The following MEGF10 variants were observed in gnomAD, a reference collection of about 807,000 sequenced individuals.
MEGF10 encodes multiple EGF like domains 10.
Under a neutral mutation model 147.5 loss-of-function variants are expected in MEGF10, and 86 were observed. The ratio of observed to expected loss-of-function variants is 0.58; its 90% CI spans 0.49 to 0.70. The LOEUF (loss-of-function observed/expected upper bound fraction) is 0.70, where lower values mean the gene tolerates loss of function less well. MEGF10 is among the 30% of genes least tolerant of loss of function. MEGF10 has a pLI of 0.00. For missense variants in MEGF10, 1,329 were observed against 1,487.3 expected, an observed-to-expected ratio of 0.89 and a Z score of 1.75; for synonymous variants, 478 against 525.5, an observed-to-expected ratio of 0.91 and a Z score of 1.24.
rs1370207200 is a variant in MEGF10, at chr5:127,406,114, T to G, written c.917+3432T>G. ...CTTGTCATATTTTAGGCCACTAAAATGGCAATATAATTTTTTTTTGCCCTC... is the reference window on the plus strand; with the variant it reads ...CTTGTCATATTTTAGGCCACTAAAAGGGCAATATAATTTTTTTTTGCCCTC... On this transcript the variant is annotated intron_variant, in intron 8 of 24. Transcript: ENST00000503335. Among the ~76,000 whole-genome samples the G allele has an allele frequency of 3.9e-5, 6 of 152,224 alleles. 1 individual carries two copies.
intron 13 of MEGF10, among the ~76,000 whole-genome samples, chr5:127,423,167 G>A (rs1048675932): frequency 6.6e-6 from 1 of 152,226 alleles, no homozygotes; most frequent in Non-Finnish European, 1.5e-5. Context: ...TGGTGAATAT[G>A]CATATGCATA....
chr5:127,396,252 C>T (rs1405654927), intron 5 of MEGF10, among the ~76,000 whole-genome samples: 1 of 152,204 alleles, frequency 6.6e-6, no homozygotes, highest in Non-Finnish European at 1.5e-5. Flanking sequence ...AAACTCCACA[C>T]TCTGGATGCA....
intron 14 of MEGF10, 80 bp downstream of exon 14, chr5:127,433,589 C>T (rs1419372989): frequency 2.7e-6 from 4 of 1,502,132 alleles, no homozygotes; most frequent in East Asian, 4.6e-5. Context: ...TGTCCCACCT[C>T]TCAGTTTATA....
chr5:127,435,226 G>T, intron 15 of MEGF10, 135 bp from the exon 16 acceptor site: 1 of 1,032,558 alleles, frequency 9.7e-7, no homozygotes, highest in South Asian at 1.8e-5. Flanking sequence ...TCAAGATGAA[G>T]GATGCTGTTG....
the MEGF10 span, among the ~76,000 whole-genome samples, chr5:127,266,902 A>G: frequency 2.0e-5 from 3 of 152,194 alleles, no homozygotes; most frequent in African/African-American, 7.2e-5. Context: ...TCCTAATTGA[A>G]TACGCTTTAT....
chr5:127,247,308 G>A, the MEGF10 span, among the ~76,000 whole-genome samples: 1 of 84,082 alleles, frequency 1.2e-5, no homozygotes, highest in Non-Finnish European at 2.4e-5. Flanking sequence ...GAGAGAGCGA[G>A]AGAAAGAGAG....
At chr5:127,329,531 GTTGT>G (rs556870076) in intron 1 of MEGF10, among the ~76,000 whole-genome samples, 8 of 151,892 alleles carry the variant, frequency 5.3e-5, no homozygotes, top group African/African-American at 7.2e-5. Context: ...TGCTGTTATT[GTTGT>G]TTATTTGTTT....
chr5:127,455,119 T>C (rs1766309380), intron 23 of MEGF10, among the ~76,000 whole-genome samples: 4 of 151,856 alleles, frequency 2.6e-5, no homozygotes, highest in Non-Finnish European at 5.9e-5. Flanking sequence ...AATTTTCTAT[T>C]AATAAAACAA....
chr5:127,334,986 C>T (rs1015195228), intron 2 of MEGF10, among the ~76,000 whole-genome samples: 4 of 152,166 alleles, frequency 2.6e-5, no homozygotes, highest in African/African-American at 7.2e-5. Flanking sequence ...TCCTCCCCCA[C>T]TCCCTGGTTC....
At chr5:127,304,991 C>T (rs1041509971) in intron 1 of MEGF10, among the ~76,000 whole-genome samples, 5 of 152,056 alleles carry the variant, frequency 3.3e-5, no homozygotes, top group South Asian at 2.1e-4. Flanking sequence ...CCTGAGCAGA[C>T]GAAAACATTA....
At chr5:127,230,143 C>T in the MEGF10 span, among the ~76,000 whole-genome samples, 4 of 151,958 alleles carry the variant, frequency 2.6e-5, no homozygotes, top group African/African-American at 9.7e-5. Context: ...CTATGGCCAT[C>T]GGCAGCAAAA....
the MEGF10 span, among the ~76,000 whole-genome samples, chr5:127,268,119 G>C: frequency 6.6e-6 from 1 of 152,102 alleles, no homozygotes; most frequent in Non-Finnish European, 1.5e-5. Flanking sequence ...GGTATGTTGT[G>C]TCTTTGTTCT....
At chr5:127,454,684 T>C in intron 23 of MEGF10, 74 bp downstream of exon 23, 1 of 1,331,620 alleles carries the variant, frequency 7.5e-7, no homozygotes, top group Non-Finnish European at 1.1e-6. Context: ...GAAATAGTTT[T>C]TAAACAAGCT....
chr5:127,386,126 A>G (rs1305429059), intron 5 of MEGF10, among the ~76,000 whole-genome samples: 1 of 152,140 alleles, frequency 6.6e-6, no homozygotes, highest in African/African-American at 2.4e-5. Flanking sequence ...AACAAACAAA[A>G]CAAACAATAA....
At position 127,370,006 on chromosome 5, in the gene MEGF10, A is replaced by G. The variant is rs763964131; in HGVS notation, c.412+4A>G. On this transcript the variant is annotated splice_donor_region_variant and intron_variant, in intron 5 of 24. Coordinates refer to ENST00000503335, the MANE Select transcript of MEGF10 (RefSeq NM_001256545.2). ...GGAGGGACCAACTGCTCCAGTGGTA[A>G]GTTTCCACCTGCTGTTGTCTGTCTC... is the stretch of plus-strand genomic sequence containing the variant. The G allele has an allele frequency of 1.2e-6, 2 of 1,610,478 alleles. No homozygotes were observed. Among genetic ancestry groups the G allele is most frequent in the Non-Finnish European group, 1.7e-6 (2 of 1,177,114 alleles).
At chr5:127,321,460 T>C (rs1200470429) in intron 1 of MEGF10, among the ~76,000 whole-genome samples, 3 of 152,126 alleles carry the variant, frequency 2.0e-5, no homozygotes, top group Non-Finnish European at 2.9e-5. Flanking sequence ...TGCATGTGTG[T>C]GCTCATGCTT....
At chr5:127,258,558 G>A in the MEGF10 span, among the ~76,000 whole-genome samples, 1 of 152,170 alleles carries the variant, frequency 6.6e-6, no homozygotes, top group African/African-American at 2.4e-5. Flanking sequence ...ATTTCTCTGA[G>A]CTTCCCTTAC....
At chr5:127,402,991 C>T (rs1227848406) in intron 8 of MEGF10, among the ~76,000 whole-genome samples, 1 of 152,166 alleles carries the variant, frequency 6.6e-6, no homozygotes, top group East Asian at 1.9e-4. Flanking sequence ...CTGCCACTTA[C>T]ATTGTAAGTA....
At chr5:127,378,874 C>T (rs1324564855) in intron 5 of MEGF10, among the ~76,000 whole-genome samples, 1 of 150,664 alleles carries the variant, frequency 6.6e-6, no homozygotes, top group African/African-American at 2.4e-5. Flanking sequence ...TTTTTTGGTG[C>T]ATTATTTCCA....
Sources: gnomAD v4.1 joint callset for allele counts (sites outside exome capture counted in the v4.1 genomes callset) on GRCh38, gnomAD v4.1.1 for gene constraint, MANE v1.5 for transcripts, NCBI Gene and HGNC (gene_info 2026-07-23, HGNC 2026-07-21) for gene names.